Variants in TOX3 observed in about 807,000 individuals in gnomAD.
TOX3 encodes the protein CAG trinucleotide repeat-containing gene F9 protein.
Under a neutral mutation model 64.3 loss-of-function variants are expected in TOX3, and 22 were observed. That is an observed-to-expected ratio of 0.34 (90% CI 0.24 to 0.49). The LOEUF (loss-of-function observed/expected upper bound fraction) is 0.49. Among genes scored for constraint, TOX3 ranks in the 20% least tolerant of loss-of-function variants. The pLI is 0.99. For missense variants in TOX3, 661 were observed against 714.4 expected (o/e 0.93, Z 0.85); for synonymous variants, 291 against 273.6 (o/e 1.06, Z -0.63).
At chr16:52,515,819 T>C (rs1346499412) in intron 1 of TOX3, among the ~76,000 whole-genome samples, 2 of 152,348 alleles carry the variant, frequency 1.3e-5, no homozygotes, top group East Asian at 3.9e-4. Flanking sequence ...AGCTTTCTAT[T>C]TTCTCCACTA....
At chr16:52,503,144 T>A (rs1014090180) in intron 1 of TOX3, among the ~76,000 whole-genome samples, 11 of 152,044 alleles carry the variant, frequency 7.2e-5, no homozygotes, top group Non-Finnish European at 1.6e-4. Context: ...AAAGATGATG[T>A]TTTTTAGGGT....
intron 1 of TOX3, among the ~76,000 whole-genome samples, chr16:52,506,967 C>G (rs567476011): frequency 4.5e-4 from 69 of 152,256 alleles, no homozygotes; most frequent in African/African-American, 1.6e-3. Context: ...CCATAGAAAT[C>G]TGAATTCTGC....
intron 1 of TOX3, among the ~76,000 whole-genome samples, chr16:52,524,178 C>A (rs1962673243): frequency 6.6e-6 from 1 of 152,240 alleles, no homozygotes; most frequent in Non-Finnish European, 1.5e-5. Flanking sequence ...TATTATGAAT[C>A]TCTACAATTC....
rs1439876479 is a variant in TOX3, at chr16:52,492,496, T to TATATATAATTTTATATATATAATATATG, written c.88-23923_88-23922insCATATATTATATATATAAAATTATATAT. 1.4e-4 allele frequency among the ~76,000 whole-genome samples: 6 copies of TATATATAATTTTATATATATAATATATG among 41,628 alleles called. No individual in the cohort carries two copies. The East Asian group carries it at 3.9e-3, about 27-fold the overall frequency. The allele number at this position is 41,628 out of a possible 152,430, so 27.3% of individuals were successfully genotyped here. A position where few individuals can be genotyped will look rare whatever the true frequency, so the allele number is the denominator to read the frequency against. On this transcript the variant is annotated intron_variant, in intron 1 of 6. Coordinates refer to ENST00000219746, the MANE Select transcript of TOX3 (RefSeq NM_001080430.4). ...ACCAATTTATATATATAATATATGA[T>TATATATAATTTTATATATATAATATATG]ATATATATAATATTATATATTAGTT...
intron 1 of TOX3, among the ~76,000 whole-genome samples, chr16:52,537,217 A>T (rs566922779): frequency 1.3e-5 from 2 of 152,202 alleles, no homozygotes; most frequent in African/African-American, 4.8e-5. Flanking sequence ...ACACATACAC[A>T]GTTTACTAGT....
chr16:52,504,344 G>A (rs1341687604), intron 1 of TOX3, among the ~76,000 whole-genome samples: 1 of 151,960 alleles, frequency 6.6e-6, no homozygotes, highest in Non-Finnish European at 1.5e-5. Flanking sequence ...GTGGGCACCT[G>A]TCGTTCCAGC....
intron 1 of TOX3, among the ~76,000 whole-genome samples, chr16:52,492,564 A>AATAT (rs56848244): frequency 0.036 from 3,264 of 90,592 alleles, 126 homozygotes; most frequent in African/African-American, 0.064. Flanking sequence ...GTTGTATATA[A>AATAT]ATATATATAT....
Position 52,438,291 on chromosome 16 carries a change from C to A in TOX3, c.*934G>T, listed in dbSNP as rs891197053. 15 of 152,610 alleles carry A rather than the reference C, an allele frequency of 9.8e-5. No homozygotes were observed. Among genetic ancestry groups the A allele is most frequent in the Non-Finnish European group, 2.2e-4 (15 of 68,026 alleles). The allele number at this position is 152,610 out of a possible 1,614,324, so 9.5% of individuals were successfully genotyped here. A position where few individuals can be genotyped will look rare whatever the true frequency, so the allele number is the denominator to read the frequency against. ...AACTTTACAGCACATGATATGAAAA[C>A]TTACAACTTTGAAAGAAAATATTTA... On this transcript the variant is annotated 3_prime_UTR_variant, in exon 7 of 7. Coordinates refer to ENST00000219746, the MANE Select transcript of TOX3 (RefSeq NM_001080430.4).
At chr16:52,466,985 T>A (rs1960885913) in intron 2 of TOX3, among the ~76,000 whole-genome samples, 2 of 152,222 alleles carry the variant, frequency 1.3e-5, no homozygotes, top group Admixed American at 6.5e-5. Flanking sequence ...ATCAGATTAA[T>A]CATTTAGAGT....
chr16:52,460,115 A>G (rs557445103), intron 3 of TOX3, among the ~76,000 whole-genome samples: 2 of 152,114 alleles, frequency 1.3e-5, no homozygotes, highest in Non-Finnish European at 2.9e-5. Context: ...AGGTACGAAT[A>G]CTACCATACT....
At chr16:52,506,214 T>C (rs1962159058) in intron 1 of TOX3, among the ~76,000 whole-genome samples, 1 of 152,142 alleles carries the variant, frequency 6.6e-6, no homozygotes, top group South Asian at 2.1e-4. Context: ...ACCTCTCAGG[T>C]TTAAGCCTCA....
intron 2 of TOX3, 39 bp downstream of exon 2, chr16:52,468,470 A>T (rs754585026): frequency 3.2e-6 from 5 of 1,581,910 alleles, no homozygotes; most frequent in Non-Finnish European, 3.5e-6. Flanking sequence ...TCTCAATAAC[A>T]CAAAAAACAG....
intron 1 of TOX3, among the ~76,000 whole-genome samples, chr16:52,531,777 A>T (rs1962855835): frequency 6.6e-6 from 1 of 152,194 alleles, no homozygotes; most frequent in African/African-American, 2.4e-5. Flanking sequence ...AGAAGATTAA[A>T]CCAGAAGTAA....
intron 1 of TOX3, among the ~76,000 whole-genome samples, chr16:52,491,203 C>T (rs1255768840): frequency 6.6e-6 from 1 of 152,136 alleles, no homozygotes; most frequent in Non-Finnish European, 1.5e-5. Flanking sequence ...ATCACCTCTA[C>T]TCTCATAATC....
intron 1 of TOX3, among the ~76,000 whole-genome samples, chr16:52,492,532 C>T (rs534957842): frequency 9.3e-4 from 117 of 126,194 alleles, no homozygotes; most frequent in African/African-American, 3.4e-3. Flanking sequence ...TGAAAAATGA[C>T]CAATAACACA....
chr16:52,444,446 A>T, intron 5 of TOX3, 90 bp from the exon 6 acceptor site: 1 of 1,131,422 alleles, frequency 8.8e-7, no homozygotes, highest in Non-Finnish European at 1.2e-6. Context: ...CATAAACACA[A>T]CTCACATAAA....
intron 1 of TOX3, among the ~76,000 whole-genome samples, chr16:52,496,332 A>G (rs1961849169): frequency 6.6e-6 from 1 of 152,236 alleles, no homozygotes; most frequent in South Asian, 2.1e-4. Context: ...ATCATTTGCC[A>G]CTAACTGCTG....
intron 1 of TOX3, among the ~76,000 whole-genome samples, chr16:52,477,714 T>C (rs532241092): frequency 9.2e-5 from 14 of 152,178 alleles, no homozygotes; most frequent in African/African-American, 3.4e-4. Flanking sequence ...GTACAAGCTG[T>C]TTACTCTCCA....
intron 1 of TOX3, among the ~76,000 whole-genome samples, chr16:52,501,592 G>A (rs781552422): frequency 8.6e-5 from 13 of 151,754 alleles, no homozygotes; most frequent in Non-Finnish European, 1.5e-4. Context: ...CCCAGGAGGC[G>A]GAGGTTTCAG....
Sources: gnomAD v4.1 joint callset for allele counts (sites outside exome capture counted in the v4.1 genomes callset) on GRCh38, gnomAD v4.1.1 for gene constraint, MANE v1.5 for transcripts, NCBI Gene and HGNC (gene_info 2026-07-23, HGNC 2026-07-21) for gene names.